Variants in TRPM3 observed in about 807,000 individuals in gnomAD.
TRPM3 encodes transient receptor potential cation channel subfamily M member 3.
A neutral mutation model predicts 181.2 loss-of-function variants in TRPM3; 77 were observed. That is an observed-to-expected ratio of 0.42 (90% CI 0.35 to 0.51). The LOEUF (loss-of-function observed/expected upper bound fraction) is 0.51, where lower values mean the gene tolerates loss of function less well. TRPM3 is among the 20% of genes least tolerant of loss of function. TRPM3 has a pLI of 0.01. For synonymous variants in TRPM3, 745 were observed against 796.4 expected (o/e 0.94, Z 1.09); for missense variants, 1,759 against 2,196.7 (o/e 0.80, Z 3.98).
At chr9:71,008,482 C>A (rs935478163) in intron 1 of TRPM3, among the ~76,000 whole-genome samples, 2 of 152,122 alleles carry the variant, frequency 1.3e-5, no homozygotes, top group African/African-American at 4.8e-5. Flanking sequence ...AGGCCAATAT[C>A]CCAGATGAAC....
At position 70,800,528 on chromosome 9, in the gene TRPM3, A is replaced by G. The variant is rs534097093; in HGVS notation, c.974-16249T>C. 2.0e-5 allele frequency among the ~76,000 whole-genome samples: 3 copies of G among 152,050 alleles called. No homozygotes were observed. In the South Asian group the frequency reaches 6.2e-4, roughly 32 times the overall value. On this transcript the variant is annotated intron_variant, in intron 6 of 25. Transcript: ENST00000677713. The stretch of plus-strand genomic sequence containing the variant: ...GCCACTTATATGTAGATTTTCTTCT[A>G]CCTCTGCCACTTCATGAGACAGCAA...
At chr9:70,911,205 G>C (rs1168520934) in intron 1 of TRPM3, among the ~76,000 whole-genome samples, 1 of 152,098 alleles carries the variant, frequency 6.6e-6, no homozygotes, top group Non-Finnish European at 1.5e-5. Flanking sequence ...CAAAATCATA[G>C]AAGTATGGTC....
intron 1 of TRPM3, among the ~76,000 whole-genome samples, chr9:71,238,369 T>G (rs976621003): frequency 6.6e-6 from 1 of 152,074 alleles, no homozygotes; most frequent in Non-Finnish European, 1.5e-5. Context: ...TGATGTCAGA[T>G]AAGTTATCAA....
At chr9:70,696,360 G>T (rs1444373192) in intron 8 of TRPM3, among the ~76,000 whole-genome samples, 1 of 152,184 alleles carries the variant, frequency 6.6e-6, no homozygotes, top group Non-Finnish European at 1.5e-5. Context: ...TCCGGAGACC[G>T]ATCAGGTTTC....
chr9:71,199,557 T>G (rs2078636622), intron 1 of TRPM3, among the ~76,000 whole-genome samples: 1 of 152,232 alleles, frequency 6.6e-6, no homozygotes, highest in Non-Finnish European at 1.5e-5. Flanking sequence ...CAGAGCCTGT[T>G]ATTGATCTAT....
chr9:71,144,391 C>T (rs2075295666), intron 1 of TRPM3, among the ~76,000 whole-genome samples: 1 of 152,198 alleles, frequency 6.6e-6, no homozygotes, highest in African/African-American at 2.4e-5. Context: ...GGTTCCACCA[C>T]TCATCCCTTT....
intron 6 of TRPM3, among the ~76,000 whole-genome samples, chr9:70,802,386 G>A (rs1472735419): frequency 1.3e-5 from 2 of 152,198 alleles, no homozygotes; most frequent in African/African-American, 4.8e-5. Context: ...CAGTGTGAAA[G>A]CAGCCAGAGA....
At chr9:70,932,232 C>T (rs2133424442) in intron 1 of TRPM3, among the ~76,000 whole-genome samples, 1 of 152,198 alleles carries the variant, frequency 6.6e-6, no homozygotes, top group African/African-American at 2.4e-5. Flanking sequence ...CTTGGAGCTA[C>T]TGTTTTTTCT....
At chr9:71,410,463 G>A (rs2093525093) in intron 1 of TRPM3, among the ~76,000 whole-genome samples, 1 of 152,148 alleles carries the variant, frequency 6.6e-6, no homozygotes, top group African/African-American at 2.4e-5. Flanking sequence ...ACTACCATCA[G>A]AGAATACTAT....
At chr9:70,883,392 C>G (rs1589511329) in intron 1 of TRPM3, among the ~76,000 whole-genome samples, 1 of 152,112 alleles carries the variant, frequency 6.6e-6, no homozygotes, top group East Asian at 1.9e-4. Flanking sequence ...GAGAAAGTTC[C>G]AAATAGGCAA....
intron 1 of TRPM3, among the ~76,000 whole-genome samples, chr9:70,950,858 AAATTTTCC>A (rs2096990549): frequency 6.6e-6 from 1 of 152,096 alleles, no homozygotes; most frequent in Non-Finnish European, 1.5e-5. Flanking sequence ...TCTTACAGGA[AAATTTTCC>A]AATTTAATCA....
intron 1 of TRPM3, among the ~76,000 whole-genome samples, chr9:71,180,199 T>G (rs985303291): frequency 1.3e-5 from 2 of 151,874 alleles, no homozygotes; most frequent in African/African-American, 4.8e-5. Flanking sequence ...GGATTACAGA[T>G]GTGCATCAGC....
chr9:70,954,711 C>T (rs1255014748), intron 1 of TRPM3, among the ~76,000 whole-genome samples: 1 of 152,098 alleles, frequency 6.6e-6, no homozygotes. Flanking sequence ...TCTTTTCATG[C>T]AAATATTTTT....
At chr9:71,112,650 C>CT (rs2071380904) in intron 1 of TRPM3, among the ~76,000 whole-genome samples, 1 of 152,150 alleles carries the variant, frequency 6.6e-6, no homozygotes, top group African/African-American at 2.4e-5. Flanking sequence ...ATTCTAGGCT[C>CT]TCTGCTAAAT....
At chr9:71,173,783 ATTTGTTTTTAG>A (rs1191970024) in intron 1 of TRPM3, among the ~76,000 whole-genome samples, 1 of 152,162 alleles carries the variant, frequency 6.6e-6, no homozygotes, top group African/African-American at 2.4e-5. Context: ...TCAACTTTTA[ATTTGTTTTTAG>A]ATTTATTACC....
chr9:71,096,468 TC>T (rs2067221086), intron 1 of TRPM3, among the ~76,000 whole-genome samples: 1 of 150,300 alleles, frequency 6.7e-6, no homozygotes, highest in Admixed American at 6.7e-5. Flanking sequence ...ATGGAGCTCT[TC>T]CAGAGGCTTA....
chr9:71,254,839 A>G (rs10868998), intron 1 of TRPM3, among the ~76,000 whole-genome samples: 83,144 of 151,900 alleles, frequency 0.55, 22,917 homozygotes, highest in African/African-American at 0.6. Flanking sequence ...AAAAGAAAGA[A>G]GGTGGAATAA....
chr9:70,657,109 A>G (rs1416969765), intron 9 of TRPM3, among the ~76,000 whole-genome samples: 1 of 151,662 alleles, frequency 6.6e-6, no homozygotes, highest in African/African-American at 2.4e-5. Flanking sequence ...GGATTTATAT[A>G]CATAAAAAAC....
rs56157123 is a variant in TRPM3 at position 70,991,555 on chromosome 9, G to GTTTTTTTT, written c.178-127052_178-127045dup. Among the ~76,000 whole-genome samples, 108 of 124,502 alleles carry GTTTTTTTT rather than the reference G, an allele frequency of 8.7e-4. 8 individuals carry two copies. Among genetic ancestry groups the GTTTTTTTT allele is most frequent in the East Asian group, 2.7e-3 (11 of 4,040 alleles). The allele number at this position is 124,502 out of a possible 152,430, so 81.7% of individuals were successfully genotyped here. On this transcript the variant is annotated intron_variant, in intron 1 of 25. Transcript: ENST00000677713. Reference sequence around the variant, plus strand: ...GTCTCCTTTGAAATACTATGTGTCTGTTTTTTTTTTTTTTTTTTGAGTACT... The same window carrying GTTTTTTTT: ...GTCTCCTTTGAAATACTATGTGTCTGTTTTTTTTTTTTTTTTTTTTTTTTTTGAGTACT...
Sources: gnomAD v4.1 joint callset for allele counts (sites outside exome capture counted in the v4.1 genomes callset) on GRCh38, gnomAD v4.1.1 for gene constraint, MANE v1.5 for transcripts, NCBI Gene and HGNC (gene_info 2026-07-23, HGNC 2026-07-21) for gene names.